Variants in MED1 observed in about 807,000 individuals in gnomAD.
MED1 encodes the protein mediator of RNA polymerase II transcription subunit 1.
In MED1, 17 loss-of-function variants were observed where a neutral mutation model predicts 121.3. The ratio of observed to expected loss-of-function variants is 0.14; its 90% CI spans 0.10 to 0.21. The LOEUF (loss-of-function observed/expected upper bound fraction) is 0.21, where lower values mean the gene tolerates loss of function less well. Among genes scored for constraint, MED1 ranks in the 10% least tolerant of loss-of-function variants. MED1 has a pLI of 1.00. For synonymous variants in MED1, 661 were observed against 694.4 expected, an observed-to-expected ratio of 0.95 and a Z score of 0.76; for missense variants, 1,558 against 1,919.4, an observed-to-expected ratio of 0.81 and a Z score of 3.52.
At chr17:39,418,391 G>A (rs2048430355) in intron 14 of MED1, among the ~76,000 whole-genome samples, 1 of 151,980 alleles carries the variant, frequency 6.6e-6, no homozygotes, top group Non-Finnish European at 1.5e-5. Context: ...AAATTAGCCA[G>A]GCTTGGTGGT....
intron 7 of MED1, 86 bp from the exon 8 acceptor site, chr17:39,432,102 G>A (rs1057139046): frequency 2.1e-6 from 2 of 936,564 alleles, no homozygotes; most frequent in African/African-American, 3.3e-5. Context: ...CAGCACCTTG[G>A]GAGGCTGAGG....
rs1306307454 is a variant in MED1, at chr17:39,440,022, G to A, written c.399+364C>T. ...GGAAGGAAGGAAGGAAGGAAGGAAAGAAAGAAAGAAAGAGAGAAAGAGAAA... is the reference window on the plus strand; with the variant it reads ...GGAAGGAAGGAAGGAAGGAAGGAAAAAAAGAAAGAAAGAGAGAAAGAGAAA... On this transcript the variant is annotated intron_variant, in intron 5 of 16. Coordinates refer to ENST00000300651, the MANE Select transcript of MED1 (RefSeq NM_004774.4). The surrounding 1 kb of genome is among the most constrained non-coding windows in gnomAD (Gnocchi z 4.1). Among the ~76,000 whole-genome samples, 1 of 70,964 alleles carries A rather than the reference G, an allele frequency of 1.4e-5. No individual in the cohort carries two copies. Among genetic ancestry groups the A allele is most frequent in the Admixed American group, 1.6e-4 (1 of 6,250 alleles). The allele number at this position is 70,964 out of a possible 152,430, so 46.6% of individuals were successfully genotyped here.
intron 1 of MED1, among the ~76,000 whole-genome samples, chr17:39,449,652 G>T (rs2048762623): frequency 6.7e-6 from 1 of 149,632 alleles, no homozygotes; most frequent in South Asian, 2.1e-4. Context: ...AGCTGGGATT[G>T]CAGGCATGCC....
intron 9 of MED1, among the ~76,000 whole-genome samples, chr17:39,429,976 A>G (rs2048550600): frequency 6.6e-6 from 1 of 151,952 alleles, no homozygotes; most frequent in East Asian, 1.9e-4. Flanking sequence ...CAAGCTACTC[A>G]GGAAACTGAG....
intron 1 of MED1, among the ~76,000 whole-genome samples, chr17:39,449,236 A>T (rs2048758524): frequency 6.6e-6 from 1 of 152,142 alleles, no homozygotes; most frequent in African/African-American, 2.4e-5. Flanking sequence ...GTTACAGTGC[A>T]GTGGCATGAT....
intron 2 of MED1, 75 bp from the exon 3 acceptor site, chr17:39,443,703 C>T: frequency 8.4e-7 from 1 of 1,191,560 alleles, no homozygotes; most frequent in Non-Finnish European, 1.3e-6. Flanking sequence ...TACACATTAT[C>T]CTAGTAGTAA....
chr17:39,424,968 C>A (rs1328328248), intron 10 of MED1, among the ~76,000 whole-genome samples: 2 of 152,148 alleles, frequency 1.3e-5, no homozygotes. Flanking sequence ...CAAGCTCCAC[C>A]TCCTGGGTTC....
intron 3 of MED1, among the ~76,000 whole-genome samples, chr17:39,441,729 G>A (rs923268543): frequency 2.0e-5 from 3 of 152,074 alleles, no homozygotes; most frequent in East Asian, 1.9e-4. Flanking sequence ...AGCAGAGATC[G>A]TGCCACTGCA....
chr17:39,419,581 T>A, intron 14 of MED1, 136 bp downstream of exon 14: 1 of 815,038 alleles, frequency 1.2e-6, no homozygotes. Flanking sequence ...CTAATTTGCT[T>A]GATTTTTATG....
In MED1 at chr17:39,423,343, T is replaced by G; in HGVS notation, c.1079A>C (p.Asn360Thr). 1 of 1,606,152 alleles carries G rather than the reference T, an allele frequency of 6.2e-7. No homozygotes were observed. Among genetic ancestry groups the G allele is most frequent in the Non-Finnish European group, 8.5e-7 (1 of 1,172,798 alleles). The change falls in exon 13 of 17, where the codon AAC becomes ACC. Residue 360 changes from asparagine (N) to threonine (T), a missense_variant. Physicochemically the swap from Asn to Thr is moderately conservative, Grantham distance 65 (BLOSUM62 0). Around this residue, in one of 5 missense-constraint regions of MED1, gnomAD observed 443 missense variants for 532.4 expected, o/e 0.83. Coordinates refer to ENST00000300651, the MANE Select transcript of MED1 (RefSeq NM_004774.4). ...TTTACTTACAGCATAAAATCTCATG[T>G]TGTGATTCAAAGGTATGGGGTCAGG... The part of the protein sequence containing the change: ...KDPDPIPLNH[N>T]MRFYAALPGQ...
chr17:39,414,526 G>A (rs1342847553), intron 16 of MED1, among the ~76,000 whole-genome samples: 2 of 151,084 alleles, frequency 1.3e-5, no homozygotes, highest in African/African-American at 2.4e-5. Flanking sequence ...TAATAGAGAC[G>A]GGGTTTCACT....
At chr17:39,436,614 G>C (rs1195619266) in intron 6 of MED1, among the ~76,000 whole-genome samples, 1 of 152,056 alleles carries the variant, frequency 6.6e-6, no homozygotes, top group Non-Finnish European at 1.5e-5. Context: ...CTGTCTTCAA[G>C]CCTAGCACTT....
Position 39,422,127 on chromosome 17 carries a change from CAA to C in MED1, c.1095+1198_1095+1199del, listed in dbSNP as rs34447753. On this transcript the variant is annotated intron_variant, in intron 13 of 16. Coordinates refer to ENST00000300651, the MANE Select transcript of MED1 (RefSeq NM_004774.4). ...TGGGCGACACAGCAAGACTCCGTCT[CAA>C]AAAAAAAAAAAAAAGTCTATCACCC... 7.0e-3 allele frequency among the ~76,000 whole-genome samples: 910 copies of C among 130,058 alleles called. 3 individuals carry two copies. The highest frequency in any genetic ancestry group is 0.029 in the Middle Eastern group (7 of 244). 85.3% of individuals were successfully genotyped at this position (130,058 alleles called of 152,430 possible). A position where few individuals can be genotyped will look rare whatever the true frequency, so the allele number is the denominator to read the frequency against.
Position 39,408,643 on chromosome 17 carries a change from G to A in MED1, c.3578C>T (p.Pro1193Leu). Reference sequence around the variant, plus strand: ...GCCTCCAGGTGGCCTTGAATGAGAAGGGGATATGTTTGGTTTACTTAAAGA... The same window carrying A: ...GCCTCCAGGTGGCCTTGAATGAGAAAGGGATATGTTTGGTTTACTTAAAGA... ...NPSLSKPNIS[P>L]SHSRPPGGSD... The change falls in exon 17 of 17, where the codon CCT becomes CTT. Residue 1193 changes from proline to leucine, a missense_variant. By Grantham distance (98) the Pro-to-Leu change is moderately conservative. Around this residue, in one of 5 missense-constraint regions of MED1, gnomAD observed 793 missense variants for 898.2 expected, o/e 0.88. Coordinates refer to ENST00000300651, the MANE Select transcript of MED1 (RefSeq NM_004774.4). The surrounding 1 kb of genome is among the most constrained non-coding windows in gnomAD (Gnocchi z 4.7). The A allele has an allele frequency of 6.2e-7, 1 of 1,614,194 alleles. No homozygotes were observed. The highest frequency in any genetic ancestry group is 8.5e-7 in the Non-Finnish European group (1 of 1,180,032).
chr17:39,429,194 T>C (rs1406415103), intron 9 of MED1, among the ~76,000 whole-genome samples: 1 of 151,514 alleles, frequency 6.6e-6, no homozygotes, highest in Non-Finnish European at 1.5e-5. Flanking sequence ...TCTAAAAAAA[T>C]TGTTAAAGTT....
At chr17:39,415,800 G>A (rs1372110680) in intron 14 of MED1, among the ~76,000 whole-genome samples, 1 of 113,264 alleles carries the variant, frequency 8.8e-6, no homozygotes, top group Non-Finnish European at 1.7e-5. Flanking sequence ...CTGGGCAAGA[G>A]TAAGACTCCA....
chr17:39,417,656 A>C (rs529035885), intron 14 of MED1, among the ~76,000 whole-genome samples: 3 of 152,022 alleles, frequency 2.0e-5, no homozygotes, highest in African/African-American at 7.2e-5. Flanking sequence ...TAAATAAATA[A>C]AAATAAAAGA....
chr17:39,423,519 T>C, intron 12 of MED1, 74 bp from the exon 13 acceptor site: 1 of 1,429,876 alleles, frequency 7.0e-7, no homozygotes. Flanking sequence ...CCTTGATATC[T>C]ACATTCATTC....
chr17:39,414,397 A>C (rs936670133), intron 16 of MED1, among the ~76,000 whole-genome samples: 1 of 150,114 alleles, frequency 6.7e-6, no homozygotes, highest in Non-Finnish European at 1.5e-5. Flanking sequence ...GTACAGTGGC[A>C]TGATCTCGGC....
Sources: gnomAD v4.1 joint callset for allele counts (sites outside exome capture counted in the v4.1 genomes callset) on GRCh38, gnomAD v4.1.1 for gene constraint, gnomAD v4.1.1 regional missense constraint, Gnocchi (gnomAD v3.1) non-coding constraint, MANE v1.5 for transcripts, NCBI Gene and HGNC (gene_info 2026-07-23, HGNC 2026-07-21) for gene names.